The following BAG5 variants were observed in gnomAD, a reference collection of about 807,000 sequenced individuals.
The protein encoded by BAG5 is BAG family molecular chaperone regulator 5.
Under a neutral mutation model 31.8 loss-of-function variants are expected in BAG5, and 25 were observed. That is an observed-to-expected ratio of 0.79 (90% confidence interval 0.57 to 1.10). The LOEUF is 1.10. Ranked by LOEUF, BAG5 falls within the 50% of genes least tolerant of loss-of-function variation. The pLI, the probability that BAG5 is intolerant of heterozygous loss-of-function variation, is 0.00. For synonymous variants in BAG5, 208 were observed against 205.0 expected, an observed-to-expected ratio of 1.01 and a Z score of -0.13; for missense variants, 491 against 527.9, an observed-to-expected ratio of 0.93 and a Z score of 0.68.
chr14:103,557,523 T>C lies in BAG5; in HGVS notation c.*2298A>G, dbSNP rs1183803353. The C allele has an allele frequency of 1.3e-5, 2 of 152,128 alleles. No individual in the cohort carries two copies. The highest frequency in any genetic ancestry group is 2.9e-5 in the Non-Finnish European group (2 of 68,034). The allele number at this position is 152,128 out of a possible 1,614,324, so 9.4% of individuals were successfully genotyped here. A position where few individuals can be genotyped will look rare whatever the true frequency, so the allele number is the denominator to read the frequency against. On this transcript the variant is annotated 3_prime_UTR_variant, in exon 2 of 2. Coordinates refer to ENST00000299204, the MANE Select transcript of BAG5 (RefSeq NM_001015048.3). ...TTGGCAAAAGGTACACAAACACTTG[T>C]TTGAAAAGAATGACTGAAACGTCTA...
rs2076051231 is a variant in BAG5, at chr14:103,558,544, C to T, written c.*1277G>A. The T allele has an allele frequency of 6.6e-6, 1 of 152,218 alleles. No individual in the cohort carries two copies. Among genetic ancestry groups the T allele is most frequent in the Non-Finnish European group, 1.5e-5 (1 of 68,036 alleles). 9.4% of individuals were successfully genotyped at this position (152,218 alleles called of 1,614,324 possible). A position where few individuals can be genotyped will look rare whatever the true frequency, so the allele number is the denominator to read the frequency against. On this transcript the variant is annotated 3_prime_UTR_variant, in exon 2 of 2. Transcript: ENST00000299204. ...GGGAAATCATTTTGTACCGGATCCT[C>T]AGAAAGCATTTATGGAAATACACAT...
rs1287018667 is a variant in BAG5, at chr14:103,558,970, T to C, written c.*851A>G. 1 of 151,898 alleles carries C rather than the reference T, an allele frequency of 6.6e-6. No homozygotes were observed. Among genetic ancestry groups the C allele is most frequent in the African/African-American group, 2.4e-5 (1 of 41,318 alleles). 9.4% of individuals were successfully genotyped at this position (151,898 alleles called of 1,614,324 possible). A position where few individuals can be genotyped will look rare whatever the true frequency, so the allele number is the denominator to read the frequency against. On this transcript the variant is annotated 3_prime_UTR_variant, in exon 2 of 2. Transcript: ENST00000299204. ...GACATTGGTAACCCGTCTCCAGTAT[T>C]CATCCTCCAACTACAGGTATGAGTG...
chr14:103,561,129 C>T lies in BAG5; in HGVS notation c.36G>A (p.Arg12=), dbSNP rs142834880. 1 of 1,601,914 alleles carries T rather than the reference C, an allele frequency of 6.2e-7. No homozygotes were observed. Among genetic ancestry groups the T allele is most frequent in the African/African-American group, 1.3e-5 (1 of 74,914 alleles). Residue 12 remains arginine (R), a synonymous_variant, in exon 2 of 2, where the codon AGG becomes AGA. Transcript: ENST00000299204. The stretch of plus-strand genomic sequence containing the variant: ...TTACTTCCTTTTGGATTTCCTGAAG[C>T]CTACTAATAGAAGGATGTTGGTTTC... ...DMGNQHPSIS[R]LQEIQKEVKS... is the part of the protein sequence containing the mutation.
At position 103,559,914 on chromosome 14, in the gene BAG5, T is replaced by C. The variant is rs2076059551; in HGVS notation, c.1251A>G (p.Glu417=). The C allele has an allele frequency of 6.2e-7, 1 of 1,614,028 alleles. No individual in the cohort carries two copies. The highest frequency in any genetic ancestry group is 1.3e-5 in the African/African-American group (1 of 74,952). ...LALDAVDPQG[E]EKCKAARKQA... ...GTTTCCTGGCAGCCTTACACTTCTC[T>C]TCTCCCTGCGGATCAACAGCATCCA... Residue 417 remains glutamate, a synonymous_variant, in exon 2 of 2, where the codon GAA becomes GAG. Transcript: ENST00000299204.
At position 103,559,858 on chromosome 14, in the gene BAG5, C is replaced by G. The variant is rs2076058861; in HGVS notation, c.1307G>C (p.Ser436Thr). 2 of 1,613,920 alleles carry G rather than the reference C, an allele frequency of 1.2e-6. No individual in the cohort carries two copies. Among genetic ancestry groups the G allele is most frequent in the Non-Finnish European group, 1.7e-6 (2 of 1,179,930 alleles). Residue 436 changes from serine to threonine, a missense_variant, in exon 2 of 2, where the codon AGC becomes ACC. Ser to Thr is a moderately conservative substitution (Grantham distance 58). Coordinates refer to ENST00000299204, the MANE Select transcript of BAG5 (RefSeq NM_001015048.3). The part of the protein sequence containing the change: ...QAVRLAQNIL[S>T]YLDLKSDEWE... ...TTCATCAGATTTCAGGTCGAGATAGCTGAGAATATTCTGCGCAAGCCTCAC... is the reference window on the plus strand; with the variant it reads ...TTCATCAGATTTCAGGTCGAGATAGGTGAGAATATTCTGCGCAAGCCTCAC...
At position 103,559,949 on chromosome 14, in the gene BAG5, G is replaced by T. The variant is rs1408520430; in HGVS notation, c.1216C>A (p.Leu406Met). ...GGATCAACAGCATCCAGGGCTAGCA[G>T]CTGCTTGGTGAGCAGCTCTTCCAGC... is the stretch of plus-strand genomic sequence containing the variant. ...IRLEELLTKQ[L>M]LALDAVDPQG... is the part of the protein sequence containing the mutation. Residue 406 changes from leucine (L) to methionine (M), a missense_variant, in exon 2 of 2, where the codon CTG becomes ATG. Leu to Met is a conservative substitution (Grantham distance 15). Transcript: ENST00000299204. 1.5e-5 allele frequency: 25 copies of T among 1,614,128 alleles called. No homozygotes were observed. Among genetic ancestry groups the T allele is most frequent in the Non-Finnish European group, 2.0e-5 (24 of 1,180,060 alleles).
At position 103,559,036 on chromosome 14, in the gene BAG5, A is replaced by C. The variant is rs775210398; in HGVS notation, c.*785T>G. On this transcript the variant is annotated 3_prime_UTR_variant, in exon 2 of 2. Transcript: ENST00000299204. ...TTTAAAGGCCCATTAACTTAATTTAAATGTTCCCATCCTTATGAATTTACT... is the reference window on the plus strand; with the variant it reads ...TTTAAAGGCCCATTAACTTAATTTACATGTTCCCATCCTTATGAATTTACT... 1.3e-5 allele frequency: 2 copies of C among 152,086 alleles called. No homozygotes were observed. Among genetic ancestry groups the C allele is most frequent in the African/African-American group, 2.4e-5 (1 of 41,384 alleles). The allele number at this position is 152,086 out of a possible 1,614,324, so 9.4% of individuals were successfully genotyped here. A position where few individuals can be genotyped will look rare whatever the true frequency, so the allele number is the denominator to read the frequency against.
In BAG5 at chr14:103,560,065, T is replaced by C; in HGVS notation, c.1100A>G (p.Lys367Arg). Reference protein sequence around the residue: ...LFACEEHPSHKAVWNVLGNLS... With the variant: ...LFACEEHPSHRAVWNVLGNLS... ...GTTTCCAAGGACGTTCCAGACGGCT[T>C]TATGGGATGGGTGCTCCTCACAAGC... is the stretch of plus-strand genomic sequence containing the variant. The change falls in exon 2 of 2, where the codon AAA becomes AGA. Residue 367 changes from lysine (K) to arginine (R), a missense_variant. Lys to Arg is a conservative substitution (Grantham distance 26, BLOSUM62 2). Coordinates refer to ENST00000299204, the MANE Select transcript of BAG5 (RefSeq NM_001015048.3). 6.2e-7 allele frequency: 1 copy of C among 1,614,172 alleles called. No homozygotes were observed. The highest frequency in any genetic ancestry group is 8.5e-7 in the Non-Finnish European group (1 of 1,180,034).
At position 103,559,058 on chromosome 14, in the gene BAG5, TACTC is replaced by T. The variant is rs1209913831; in HGVS notation, c.*759_*762del. The T allele has an allele frequency of 1.3e-5, 2 of 152,110 alleles. No individual in the cohort carries two copies. The highest frequency in any genetic ancestry group is 2.4e-5 in the African/African-American group (1 of 41,422). The allele number at this position is 152,110 out of a possible 1,614,324, so 9.4% of individuals were successfully genotyped here. ...TTAAATGTTCCCATCCTTATGAATT[TACTC>T]ACTAAGGAAAACTATAAGCTCAGAT... is the stretch of plus-strand genomic sequence containing the variant. On this transcript the variant is annotated 3_prime_UTR_variant, in exon 2 of 2. Coordinates refer to ENST00000299204, the MANE Select transcript of BAG5 (RefSeq NM_001015048.3).
chr14:103,560,289 T>C lies in BAG5; in HGVS notation c.876A>G (p.Glu292=). The stretch of plus-strand genomic sequence containing the variant: ...CAGAAGGGTTTTGTGCTTGGAGAAG[T>C]TCATTTTTTATTTCTCTCATTCTCT... ...VLKRMREIKN[E]LLQAQNPSEL... Residue 292 remains glutamate (E), a synonymous_variant, in exon 2 of 2, where the codon GAA becomes GAG. Transcript: ENST00000299204. The C allele has an allele frequency of 1.2e-6, 2 of 1,614,178 alleles. No individual in the cohort carries two copies. The highest frequency in any genetic ancestry group is 1.7e-6 in the Non-Finnish European group (2 of 1,180,036).
At chr14:103,561,971 A>T in intron 1 of BAG5, 1 of 1,614,034 alleles carries the variant, frequency 6.2e-7, no homozygotes, top group Non-Finnish European at 8.5e-7. Context: ...TTTCTATCAA[A>T]CGGCTCGCTC....
At chr14:103,562,175 G>C (rs1354416669) in intron 1 of BAG5, 4 of 618,490 alleles carry the variant, frequency 6.5e-6, no homozygotes, top group Non-Finnish European at 1.2e-5. Context: ...AGCCCTTTAC[G>C]GGGTGCGGCA....
chr14:103,561,622 C>T, intron 1 of BAG5: 1 of 432,588 alleles, frequency 2.3e-6, no homozygotes, highest in Non-Finnish European at 4.1e-6. Flanking sequence ...AGAACCAGAA[C>T]AAAAACCAGT....
intron 1 of BAG5, chr14:103,562,102 A>G: frequency 3.6e-6 from 3 of 844,586 alleles, no homozygotes; most frequent in Non-Finnish European, 6.1e-6. Context: ...CCCTTTACCC[A>G]AAAGAAGTCT....
rs1174195047 is a variant in BAG5, at chr14:103,557,227, C to T, written c.*2594G>A. 1 of 152,138 alleles carries T rather than the reference C, an allele frequency of 6.6e-6. No homozygotes were observed. Among genetic ancestry groups the T allele is most frequent in the Non-Finnish European group, 1.5e-5 (1 of 68,032 alleles). The allele number at this position is 152,138 out of a possible 1,614,324, so 9.4% of individuals were successfully genotyped here. On this transcript the variant is annotated 3_prime_UTR_variant, in exon 2 of 2. Transcript: ENST00000299204. ...AAAAATACAATACAATGTGACAAGC[C>T]CAGTTTAAGAATTACATGCAGTAGC...
rs937809923 is a variant in BAG5, at chr14:103,557,060, G to A, written c.*2761C>T. 3 of 152,180 alleles carry A rather than the reference G, an allele frequency of 2.0e-5. No homozygotes were observed. The highest frequency in any genetic ancestry group is 7.2e-5 in the African/African-American group (3 of 41,436). The allele number at this position is 152,180 out of a possible 1,614,324, so 9.4% of individuals were successfully genotyped here. A position where few individuals can be genotyped will look rare whatever the true frequency, so the allele number is the denominator to read the frequency against. Reference sequence around the variant, plus strand: ...GGATAAAGTGTGATCTGAAAGCAACGCTGACTGAATGTAAATAAAGCAAAC... The same window carrying A: ...GGATAAAGTGTGATCTGAAAGCAACACTGACTGAATGTAAATAAAGCAAAC... On this transcript the variant is annotated 3_prime_UTR_variant, in exon 2 of 2. Coordinates refer to ENST00000299204, the MANE Select transcript of BAG5 (RefSeq NM_001015048.3).
chr14:103,561,708 T>C (rs2076076286), intron 1 of BAG5: 2 of 563,892 alleles, frequency 3.5e-6, no homozygotes, highest in Non-Finnish European at 3.1e-6. Context: ...CCCCACCCTT[T>C]TAGCTCCTCA....
Position 103,560,472 on chromosome 14 carries a change from A to G in BAG5, c.693T>C (p.Asp231=), listed in dbSNP as rs1693866818. ...TTCTGATTTCTGTCCGGCCGCACAC[A>G]TCTAGAGCATCCAGGTCAGCGATCA... ...SGLIADLDAL[D]VCGRTEIRNY... The change falls in exon 2 of 2, where the codon GAT becomes GAC. Residue 231 remains aspartate, a synonymous_variant. Transcript: ENST00000299204. 1.2e-6 allele frequency: 2 copies of G among 1,614,098 alleles called. No individual in the cohort carries two copies. The highest frequency in any genetic ancestry group is 1.3e-5 in the African/African-American group (1 of 75,016).
At chr14:103,562,122 G>A in intron 1 of BAG5, 1 of 716,504 alleles carries the variant, frequency 1.4e-6, no homozygotes, top group Non-Finnish European at 2.5e-6. Context: ...TGAATTGGAT[G>A]CGGTCTTGGC....
Sources: allele counts gnomAD v4.1 joint callset, GRCh38; gene constraint gnomAD v4.1.1; transcripts MANE v1.5; gene names NCBI Gene and HGNC (gene_info 2026-07-23, HGNC 2026-07-21).